CENPE: variants seen among roughly 807,000 people sequenced by gnomAD.
CENPE encodes centromere protein E.
A neutral mutation model predicts 336.1 loss-of-function variants in CENPE; 145 were observed. That is an observed-to-expected ratio of 0.43 (90% CI 0.38 to 0.50). The LOEUF is 0.50. Ranked by LOEUF, CENPE falls within the 20% of genes least tolerant of loss-of-function variation. The pLI, the probability that CENPE is intolerant of heterozygous loss-of-function variation, is 0.00. For missense variants in CENPE, 2,719 were observed against 3,023.3 expected (o/e 0.90, Z 2.36); for synonymous variants, 1,013 against 984.8 (o/e 1.03, Z -0.54).
chr4:103,197,404 T>C (rs78963143), intron 1 of CENPE, among the ~76,000 whole-genome samples: 1,656 of 152,366 alleles, frequency 0.011, 23 homozygotes, highest in African/African-American at 0.034. Context: ...TCGTCTCTGA[T>C]GGGCTAATAA....
At chr4:103,168,886 C>T (rs185833864) in intron 16 of CENPE, among the ~76,000 whole-genome samples, 156 of 152,304 alleles carry the variant, frequency 1.0e-3, no homozygotes, top group Non-Finnish European at 2.8e-4. Flanking sequence ...TAGCTACATT[C>T]ATCTTCAATG....
At chr4:103,106,650 T>C (rs1297940417) in intron 48 of CENPE, among the ~76,000 whole-genome samples, 5 of 152,212 alleles carry the variant, frequency 3.3e-5, no homozygotes, top group Non-Finnish European at 7.3e-5. Context: ...ATAAATGGTG[T>C]GCTAAACAAA....
intron 36 of CENPE, 116 bp downstream of exon 36, chr4:103,140,698 G>C: frequency 2.5e-6 from 2 of 807,742 alleles, no homozygotes; most frequent in Non-Finnish European, 1.9e-6. Context: ...CTTATTATTG[G>C]TGGACACTTA....
At chr4:103,176,847 T>C (rs1755912659) in intron 14 of CENPE, 52 bp downstream of exon 14, 1 of 1,393,288 alleles carries the variant, frequency 7.2e-7, no homozygotes. Context: ...AGTTTCTCTT[T>C]ATAAGGATGC....
Position 103,140,295 on chromosome 4 carries a change from TTGAATGTC to T in CENPE, c.5866_5873del (p.Asp1956LysfsTer5). The T allele has an allele frequency of 6.2e-7, 1 of 1,604,490 alleles. No homozygotes were observed. The highest frequency in any genetic ancestry group is 8.5e-7 in the Non-Finnish European group (1 of 1,175,128). ...CATCTTTTGATTTATCTAAATCCTTTTGAATGTCTGAAATTTGAATTGTCTTTTCTGAA... is the reference window on the plus strand; with the variant it reads ...CATCTTTTGATTTATCTAAATCCTTTTGAAATTTGAATTGTCTTTTCTGAA... On this transcript the variant is annotated frameshift_variant, in exon 37 of 49. Coordinates refer to ENST00000265148, the MANE Select transcript of CENPE (RefSeq NM_001813.3). LOFTEE classifies it high-confidence loss of function.
rs369446956 is a variant in CENPE, at chr4:103,185,817, G to A, written c.738C>T (p.Gly246=). The part of the protein sequence containing the change: ...LAGSERAAQT[G]AAGVRLKEGC... ...TTCATGAGTTTTAATTACCTGCAGCGCCTGTTTGAGCAGCTCTTTCACTGC... is the reference window on the plus strand; with the variant it reads ...TTCATGAGTTTTAATTACCTGCAGCACCTGTTTGAGCAGCTCTTTCACTGC... Residue 246 remains glycine, a synonymous_variant, in exon 9 of 49, where the codon GGC becomes GGT. Transcript: ENST00000265148. 82 of 1,606,362 alleles carry A rather than the reference G, an allele frequency of 5.1e-5. No homozygotes were observed. The highest frequency in any genetic ancestry group is 3.6e-4 in the South Asian group (32 of 90,084).
intron 8 of CENPE, among the ~76,000 whole-genome samples, chr4:103,186,489 T>C (rs1364273765): frequency 6.6e-6 from 1 of 152,224 alleles, no homozygotes; most frequent in African/African-American, 2.4e-5. Flanking sequence ...GCATGCTAGC[T>C]GTACTATGCT....
intron 41 of CENPE, among the ~76,000 whole-genome samples, chr4:103,133,263 C>T (rs1751772966): frequency 6.6e-6 from 1 of 152,000 alleles, no homozygotes; most frequent in Non-Finnish European, 1.5e-5. Context: ...CCAGGCTGAT[C>T]TTGAACCCCT....
chr4:103,193,760 A>G (rs1757536659), intron 8 of CENPE, among the ~76,000 whole-genome samples: 3 of 152,118 alleles, frequency 2.0e-5, no homozygotes, highest in African/African-American at 7.2e-5. Context: ...TACGTTTACA[A>G]TACAAAATAT....
chr4:103,191,908 G>A (rs1757386894), intron 8 of CENPE, among the ~76,000 whole-genome samples: 1 of 152,036 alleles, frequency 6.6e-6, no homozygotes, highest in African/African-American at 2.4e-5. Flanking sequence ...GTGGAGGATG[G>A]ATTGGGAAGG....
At chr4:103,191,028 C>G (rs918039857) in intron 8 of CENPE, among the ~76,000 whole-genome samples, 4 of 151,734 alleles carry the variant, frequency 2.6e-5, no homozygotes, top group Non-Finnish European at 5.9e-5. Flanking sequence ...TTTATGCAGC[C>G]AAAAGACACA....
chr4:103,128,341 A>G (rs777373690), intron 42 of CENPE, among the ~76,000 whole-genome samples: 1 of 152,250 alleles, frequency 6.6e-6, no homozygotes, highest in Non-Finnish European at 1.5e-5. Flanking sequence ...ACGCCTCTCT[A>G]TCAGAAGTGA....
chr4:103,149,141 A>G lies in CENPE; in HGVS notation c.3664T>C (p.Tyr1222His), dbSNP rs200674487. The G allele has an allele frequency of 3.1e-6, 5 of 1,595,714 alleles. No homozygotes were observed. Among genetic ancestry groups the G allele is most frequent in the Admixed American group, 1.8e-5 (1 of 55,642 alleles). The change falls in exon 27 of 49, where the codon TAT becomes CAT. Residue 1222 changes from tyrosine to histidine, a missense_variant. This residue lies in a region of CENPE where 2,437 missense variants were observed against 2,513.3 expected (regional missense o/e 0.97). Coordinates refer to ENST00000265148, the MANE Select transcript of CENPE (RefSeq NM_001813.3). ...FETERDHLRG[Y>H]IREIEATGLQ... ...ACTGTAGCTTCAATTTCTCTTATAT[A>G]TCCTCTAAGGTGGTCTCTCTCTGTT... is the stretch of plus-strand genomic sequence containing the variant.
intron 43 of CENPE, among the ~76,000 whole-genome samples, chr4:103,121,203 T>C (rs78399925): frequency 0.043 from 6,575 of 152,248 alleles, 478 homozygotes; most frequent in African/African-American, 0.15. Context: ...CAAATATACA[T>C]GAATATATAG....
rs17033437 is a variant in CENPE at position 103,145,191 on chromosome 4, G to C, written c.4716C>G (p.Leu1572=). ...SALQSIESKM[L]ELTNRLQESQ... ...TTTCTTGAAGTCTGTTGGTCAACTCGAGCATCTTACTTTCTATACTTTGTA... is the reference window on the plus strand; with the variant it reads ...TTTCTTGAAGTCTGTTGGTCAACTCCAGCATCTTACTTTCTATACTTTGTA... Residue 1572 remains leucine, a synonymous_variant, in exon 32 of 49, where the codon CTC becomes CTG. Coordinates refer to ENST00000265148, the MANE Select transcript of CENPE (RefSeq NM_001813.3). 6.2e-7 allele frequency: 1 copy of C among 1,613,228 alleles called. No homozygotes were observed. The highest frequency in any genetic ancestry group is 1.3e-5 in the African/African-American group (1 of 74,772).
chr4:103,118,768 G>C (rs1329303722), intron 44 of CENPE, among the ~76,000 whole-genome samples: 1 of 152,062 alleles, frequency 6.6e-6, no homozygotes, highest in South Asian at 2.1e-4. Context: ...ATCATTAGTT[G>C]ATCAGACTAT....
intron 35 of CENPE, 24 bp downstream of exon 35, chr4:103,141,726 C>T: frequency 6.8e-7 from 1 of 1,470,920 alleles, no homozygotes. Flanking sequence ...GATATCCAAT[C>T]AAACAATCCC....
At chr4:103,120,359 A>G in intron 43 of CENPE, 26 bp from the exon 44 acceptor site, 1 of 1,568,084 alleles carries the variant, frequency 6.4e-7, no homozygotes, top group Non-Finnish European at 8.7e-7. Flanking sequence ...CACATTCATA[A>G]GCTCTATCAT....
At position 103,120,303 on chromosome 4, in the gene CENPE, C is replaced by T. The variant is rs1447644216; in HGVS notation, c.7174G>A (p.Glu2392Lys). ...TTATGCATAGCACTTTCTTTAGCTT[C>T]ATGCAGTGAATTTTCCAGCTCTCGA... ...KIRELENSLH[E>K]AKESAMHKES... Residue 2392 changes from glutamate to lysine, a missense_variant, in exon 44 of 49, where the codon GAA becomes AAA. By Grantham distance (56) the Glu-to-Lys change is moderately conservative. This residue lies in a region of CENPE where 2,437 missense variants were observed against 2,513.3 expected (regional missense o/e 0.97). Transcript: ENST00000265148. The T allele has an allele frequency of 6.2e-7, 1 of 1,608,590 alleles. No homozygotes were observed. Among genetic ancestry groups the T allele is most frequent in the Non-Finnish European group, 8.5e-7 (1 of 1,178,782 alleles).
Sources: gnomAD v4.1 joint callset for allele counts (sites outside exome capture counted in the v4.1 genomes callset) on GRCh38, gnomAD v4.1.1 for gene constraint, gnomAD v4.1.1 regional missense constraint, MANE v1.5 for transcripts, NCBI Gene and HGNC (gene_info 2026-07-23, HGNC 2026-07-21) for gene names.